Variants in ENKUR observed in about 807,000 individuals in gnomAD.
The protein encoded by ENKUR is enkurin, TRPC channel interacting protein, also known as enkurin.
In ENKUR, 19 loss-of-function variants were observed where a neutral mutation model predicts 27.6. That is an observed-to-expected ratio of 0.69 (90% CI 0.48 to 1.01). ENKUR has a LOEUF of 1.01. Ranked by LOEUF, ENKUR falls within the 50% of genes least tolerant of loss-of-function variation. The pLI is 0.00. For synonymous variants in ENKUR, 117 were observed against 96.9 expected (o/e 1.21, Z -1.22); for missense variants, 312 against 310.5 (o/e 1.00, Z -0.04).
At chr10:25,019,910 C>T (rs1476908316), upstream of ENKUR, among the ~76,000 whole-genome samples, 1 of 151,830 alleles carries the variant, frequency 6.6e-6, no homozygotes. Flanking sequence ...TTAAATGAAC[C>T]ATGTGTAATG....
At chr10:25,027,590 T>C (rs1850882127) in intron 2 of ENKUR, among the ~76,000 whole-genome samples, 1 of 150,488 alleles carries the variant, frequency 6.6e-6, no homozygotes, top group South Asian at 2.1e-4. Flanking sequence ...AACAGTGTTT[T>C]AAAAGACATG....
intron 2 of ENKUR, among the ~76,000 whole-genome samples, chr10:25,033,537 G>C (rs1850960606): frequency 2.0e-5 from 3 of 151,056 alleles, no homozygotes. Flanking sequence ...TTTCAACTTT[G>C]CGTAACCCTT....
At position 24,986,551 on chromosome 10, in the gene ENKUR, T is replaced by G. The variant is rs78457869; in HGVS notation, c.595-1646A>C. On this transcript the variant is annotated intron_variant, in intron 4 of 5. Coordinates refer to ENST00000331161, the MANE Select transcript of ENKUR (RefSeq NM_145010.4). ...AGGTTCCCACAGTGCTCCACAGGAG[T>G]GGCTATTGCAGAGAGGAAGTCTATG... Among the ~76,000 whole-genome samples, 830 of 152,224 alleles carry G rather than the reference T, an allele frequency of 5.5e-3. 9 individuals are homozygous for G. The highest frequency in any genetic ancestry group is 0.017 in the African/African-American group (698 of 41,540).
chr10:25,057,522 T>C (rs1012698148), intron 2 of ENKUR, among the ~76,000 whole-genome samples: 1 of 151,974 alleles, frequency 6.6e-6, no homozygotes, highest in Non-Finnish European at 1.5e-5. Flanking sequence ...TGAAAAGTGA[T>C]AACATTTTAT....
chr10:25,026,171 A>C (rs1850848598), intron 2 of ENKUR: 1 of 165,342 alleles, frequency 6.0e-6, no homozygotes, highest in East Asian at 1.9e-4. Context: ...GAGCCTCTGC[A>C]CCTGGCTAGG....
At chr10:25,032,450 A>G (rs1246304113) in intron 2 of ENKUR, among the ~76,000 whole-genome samples, 2 of 152,110 alleles carry the variant, frequency 1.3e-5, no homozygotes, top group Non-Finnish European at 2.9e-5. Context: ...GTCTCTCCGT[A>G]GAATAAGCGC....
At chr10:25,034,903 A>G (rs1466280215) in intron 2 of ENKUR, among the ~76,000 whole-genome samples, 1 of 152,220 alleles carries the variant, frequency 6.6e-6, no homozygotes, top group Non-Finnish European at 1.5e-5. Flanking sequence ...ACAATATTTT[A>G]CTGGCATCAG....
upstream of ENKUR, among the ~76,000 whole-genome samples, chr10:25,019,024 C>G (rs1850667715): frequency 6.6e-6 from 1 of 152,084 alleles, no homozygotes; most frequent in African/African-American, 2.4e-5. Flanking sequence ...AAGTGGGAGG[C>G]CCTCTGAATG....
At chr10:25,057,917 A>G (rs984750222) in intron 2 of ENKUR, among the ~76,000 whole-genome samples, 3 of 151,946 alleles carry the variant, frequency 2.0e-5, no homozygotes, top group Non-Finnish European at 4.4e-5. Context: ...ATATGTAGGC[A>G]TGGTGGTGCA....
chr10:25,061,180 C>T (rs1407282157), exon 2 of ENKUR: 7 of 1,535,770 alleles, frequency 4.6e-6, no homozygotes, highest in Non-Finnish European at 6.1e-6. Flanking sequence ...ATAAGAAGTT[C>T]ATAGGTGTTG....
chr10:25,045,733 A>G (rs1037322124), intron 2 of ENKUR, among the ~76,000 whole-genome samples: 1 of 152,192 alleles, frequency 6.6e-6, no homozygotes, highest in African/African-American at 2.4e-5. Flanking sequence ...TTATAGTGAG[A>G]TTTTAATATT....
At chr10:25,019,759 C>T (rs981610841), upstream of ENKUR, among the ~76,000 whole-genome samples, 14 of 152,178 alleles carry the variant, frequency 9.2e-5, no homozygotes, top group Admixed American at 9.2e-4. Context: ...TTGTTAAACA[C>T]ATGAAAGAGA....
At chr10:25,048,359 C>A (rs1851144157) in intron 2 of ENKUR, among the ~76,000 whole-genome samples, 1 of 152,000 alleles carries the variant, frequency 6.6e-6, no homozygotes, top group East Asian at 1.9e-4. Flanking sequence ...GGGTCTATAT[C>A]CGTGAAGCGT....
intron 1 of ENKUR, among the ~76,000 whole-genome samples, chr10:24,999,903 C>T (rs1490818118): frequency 1.3e-5 from 2 of 152,136 alleles, no homozygotes; most frequent in Non-Finnish European, 2.9e-5. Flanking sequence ...TTTTATGAAT[C>T]TTCTTATAGA....
Position 24,984,187 on chromosome 10 carries a change from C to G in ENKUR, c.*183G>C. ...AAGCCTTTCATCATATACAGTGTTA[C>G]GAATACTGAAAATATTTCTCACTGG... On this transcript the variant is annotated 3_prime_UTR_variant, in exon 6 of 6. Coordinates refer to ENST00000331161, the MANE Select transcript of ENKUR (RefSeq NM_145010.4). 1.7e-6 allele frequency: 1 copy of G among 594,678 alleles called. No individual in the cohort carries two copies. Among genetic ancestry groups the G allele is most frequent in the Non-Finnish European group, 2.8e-6 (1 of 360,370 alleles). 36.8% of individuals were successfully genotyped at this position (594,678 alleles called of 1,614,324 possible). A position where few individuals can be genotyped will look rare whatever the true frequency, so the allele number is the denominator to read the frequency against.
intron 2 of ENKUR, among the ~76,000 whole-genome samples, chr10:24,998,873 G>T (rs16925221): frequency 0.014 from 2,073 of 152,226 alleles, 49 homozygotes; most frequent in African/African-American, 0.047. Flanking sequence ...GCCCTAAGCT[G>T]GTTCTACCAC....
chr10:25,023,425 A>C (rs1362767358), intron 2 of ENKUR: 2 of 1,614,056 alleles, frequency 1.2e-6, no homozygotes, highest in African/African-American at 2.7e-5. Context: ...TGGTGCTGGG[A>C]AAACAACAGT....
chr10:25,018,659 G>GTTTTTTT (rs374289213), upstream of ENKUR, among the ~76,000 whole-genome samples: 13 of 93,724 alleles, frequency 1.4e-4, no homozygotes, highest in African/African-American at 2.8e-4. Context: ...AATGAGAGTT[G>GTTTTTTT]TTTTTTTTTT....
chr10:25,051,232 A>T (rs966796399), intron 2 of ENKUR, among the ~76,000 whole-genome samples: 1 of 152,230 alleles, frequency 6.6e-6, no homozygotes, highest in African/African-American at 2.4e-5. Flanking sequence ...CTTCCAGTTT[A>T]TTAATAGAGA....
Sources: allele counts gnomAD v4.1 joint callset (sites outside exome capture counted in the v4.1 genomes callset), GRCh38; gene constraint gnomAD v4.1.1; transcripts MANE v1.5; gene names NCBI Gene and HGNC (gene_info 2026-07-23, HGNC 2026-07-21).